GRK3: variants seen among roughly 807,000 people sequenced by gnomAD.
GRK3 encodes G protein-coupled receptor kinase 3.
GRK3 carries 54 observed loss-of-function variants against 95.7 expected under a neutral mutation model. The ratio of observed to expected loss-of-function variants is 0.56; its 90% CI spans 0.45 to 0.71. The LOEUF (loss-of-function observed/expected upper bound fraction) is 0.71. Among genes scored for constraint, GRK3 ranks in the 30% least tolerant of loss-of-function variants. The pLI, the probability that GRK3 is intolerant of heterozygous loss-of-function variation, is 0.00. For missense variants in GRK3, 649 were observed against 851.2 expected, an observed-to-expected ratio of 0.76 and a Z score of 2.96; for synonymous variants, 281 against 290.8, an observed-to-expected ratio of 0.97 and a Z score of 0.34.
chr22:25,582,012 G>C (rs1192950042), intron 1 of GRK3, among the ~76,000 whole-genome samples: 1 of 152,084 alleles, frequency 6.6e-6, no homozygotes, highest in African/African-American at 2.4e-5. Context: ...GCTGGGCGCG[G>C]TGGCCTGTAA....
chr22:25,606,148 A>G (rs2084444761), intron 2 of GRK3, among the ~76,000 whole-genome samples: 1 of 152,186 alleles, frequency 6.6e-6, no homozygotes, highest in African/African-American at 2.4e-5. Context: ...TCTCAGTTGC[A>G]CGGATTGTTC....
intron 5 of GRK3, among the ~76,000 whole-genome samples, chr22:25,665,650 A>G (rs2084936774): frequency 6.6e-6 from 1 of 152,186 alleles, no homozygotes; most frequent in South Asian, 2.1e-4. Flanking sequence ...AAATCTTATA[A>G]AGTTTATTAA....
At chr22:25,567,594 T>A (rs1380010643) in intron 1 of GRK3, among the ~76,000 whole-genome samples, 1 of 152,214 alleles carries the variant, frequency 6.6e-6, no homozygotes, top group African/African-American at 2.4e-5. Flanking sequence ...AAGTTTCTAT[T>A]TCAGCTTCAT....
At chr22:25,585,977 G>A (rs551457674) in intron 1 of GRK3, among the ~76,000 whole-genome samples, 175 of 152,356 alleles carry the variant, frequency 1.1e-3, no homozygotes, top group Non-Finnish European at 2.0e-3. Context: ...GGTGTTGGTG[G>A]GTACAGATTT....
At chr22:25,631,321 C>G (rs1038633723) in intron 2 of GRK3, among the ~76,000 whole-genome samples, 12 of 152,170 alleles carry the variant, frequency 7.9e-5, no homozygotes, top group African/African-American at 2.9e-4. Context: ...TTTCTAATGA[C>G]TTATTTTAGT....
chr22:25,725,711 C>A lies in GRK3; in HGVS notation c.*3261C>A, dbSNP rs2085468054. 7.5e-6 allele frequency: 3 copies of A among 398,224 alleles called. No homozygotes were observed. The South Asian group carries it at 3.9e-4, about 52-fold the overall frequency. The allele number at this position is 398,224 out of a possible 1,614,324, so 24.7% of individuals were successfully genotyped here. A position where few individuals can be genotyped will look rare whatever the true frequency, so the allele number is the denominator to read the frequency against. On this transcript the variant is annotated 3_prime_UTR_variant, in exon 21 of 21. Coordinates refer to ENST00000324198, the MANE Select transcript of GRK3 (RefSeq NM_005160.4). ...CCTATAATCCCAGCACTTTGGGAGG[C>A]CGAGAGGGGCGGTTCACGAGGTCAG...
rs774760103 is a variant in GRK3, at chr22:25,711,092, C to T, written c.1420C>T (p.Arg474Trp). 36 of 1,613,270 alleles carry T rather than the reference C, an allele frequency of 2.2e-5. No individual in the cohort carries two copies. Among genetic ancestry groups the T allele is most frequent in the South Asian group, 5.5e-5 (5 of 90,952 alleles). ...GTACCCACCACCCTTGATTCCTCCC[C>T]GGGGAGAAGTCAATGCTGCTGATGC... is the stretch of plus-strand genomic sequence containing the variant. The part of the protein sequence containing the change: ...QKYPPPLIPP[R>W]GEVNAADAFD... The change falls in exon 17 of 21, where the codon CGG becomes TGG. Residue 474 changes from arginine to tryptophan, a missense_variant. This residue lies in a region of GRK3 where 382 missense variants were observed against 493.8 expected (regional missense o/e 0.77). Transcript: ENST00000324198.
At chr22:25,676,928 A>C (rs1304222772) in intron 8 of GRK3, among the ~76,000 whole-genome samples, 2 of 152,182 alleles carry the variant, frequency 1.3e-5, no homozygotes, top group Admixed American at 1.3e-4. Flanking sequence ...CTGCGAGCCC[A>C]TCAGTGAACC....
intron 3 of GRK3, among the ~76,000 whole-genome samples, chr22:25,646,963 G>A (rs1213458640): frequency 2.1e-5 from 3 of 143,110 alleles, no homozygotes; most frequent in East Asian, 4.3e-4. Context: ...AGAAGTTGCA[G>A]TGAGCTGATA....
At chr22:25,645,549 T>A (rs1008468101) in intron 3 of GRK3, among the ~76,000 whole-genome samples, 1 of 152,134 alleles carries the variant, frequency 6.6e-6, no homozygotes, top group African/African-American at 2.4e-5. Context: ...AGCTGAAAAC[T>A]TGTAATGGGC....
intron 2 of GRK3, 128 bp downstream of exon 2, chr22:25,604,581 T>C: frequency 2.0e-6 from 1 of 506,218 alleles, no homozygotes; most frequent in South Asian, 3.2e-5. Flanking sequence ...ATAAAGGAAA[T>C]TTCATGTAAT....
intron 1 of GRK3, among the ~76,000 whole-genome samples, chr22:25,599,375 G>A (rs1174803853): frequency 6.6e-6 from 1 of 151,974 alleles, no homozygotes; most frequent in Non-Finnish European, 1.5e-5. Flanking sequence ...GGCAGATCAC[G>A]AGGTCAGGAG....
intron 1 of GRK3, among the ~76,000 whole-genome samples, chr22:25,600,610 A>G (rs2084403251): frequency 6.6e-6 from 1 of 152,322 alleles, no homozygotes; most frequent in South Asian, 2.1e-4. Flanking sequence ...AGTAATCTAG[A>G]GATGATTTAA....
rs1028566313 is a variant in GRK3, at chr22:25,727,690, A to G, written c.*5240A>G. Reference sequence around the variant, plus strand: ...TAGCGCTCCAGTATCTAACAATCTCAGAATCATCTCTGAAAACTGGTAACT... The same window carrying G: ...TAGCGCTCCAGTATCTAACAATCTCGGAATCATCTCTGAAAACTGGTAACT... On this transcript the variant is annotated 3_prime_UTR_variant, in exon 21 of 21. Transcript: ENST00000324198. 15 of 152,216 alleles carry G rather than the reference A, an allele frequency of 9.9e-5. No homozygotes were observed. Among genetic ancestry groups the G allele is most frequent in the Non-Finnish European group, 2.2e-4 (15 of 68,026 alleles). 9.4% of individuals were successfully genotyped at this position (152,216 alleles called of 1,614,324 possible).
At chr22:25,624,411 A>C (rs1017043204) in intron 2 of GRK3, among the ~76,000 whole-genome samples, 4 of 152,028 alleles carry the variant, frequency 2.6e-5, no homozygotes, top group African/African-American at 9.7e-5. Flanking sequence ...AAAATACAAA[A>C]AAATTAGCTG....
intron 1 of GRK3, among the ~76,000 whole-genome samples, chr22:25,570,697 G>A (rs1001958925): frequency 1.1e-4 from 16 of 152,276 alleles, no homozygotes; most frequent in African/African-American, 3.4e-4. Context: ...TAATTTGCAT[G>A]CAAATGGGAC....
chr22:25,599,813 T>C (rs2084397090), intron 1 of GRK3, among the ~76,000 whole-genome samples: 1 of 151,908 alleles, frequency 6.6e-6, no homozygotes, highest in Non-Finnish European at 1.5e-5. Context: ...AAAACCACAG[T>C]GCGATGCTAC....
At chr22:25,640,162 A>G (rs2084732557) in intron 2 of GRK3, among the ~76,000 whole-genome samples, 1 of 152,104 alleles carries the variant, frequency 6.6e-6, no homozygotes, top group African/African-American at 2.4e-5. Flanking sequence ...ACTTTATTGC[A>G]TTGGCTAGGA....
chr22:25,599,209 T>C (rs559576851), intron 1 of GRK3, among the ~76,000 whole-genome samples: 1 of 152,288 alleles, frequency 6.6e-6, no homozygotes, highest in Admixed American at 6.5e-5. Context: ...TATTGATAAA[T>C]TGGGTTTAAT....
Sources: gnomAD v4.1 joint callset for allele counts (sites outside exome capture counted in the v4.1 genomes callset) on GRCh38, gnomAD v4.1.1 for gene constraint, gnomAD v4.1.1 regional missense constraint, MANE v1.5 for transcripts, NCBI Gene and HGNC (gene_info 2026-07-23, HGNC 2026-07-21) for gene names.